TES: variants seen among roughly 807,000 people sequenced by gnomAD.
The protein encoded by TES is testin LIM domain protein.
TES carries 41 observed loss-of-function variants against 48.2 expected under a neutral mutation model. The ratio of observed to expected loss-of-function variants is 0.85; its 90% CI spans 0.66 to 1.10. The LOEUF (loss-of-function observed/expected upper bound fraction) is 1.10, where lower values mean the gene tolerates loss of function less well. Among genes scored for constraint, TES ranks in the 50% least tolerant of loss-of-function variants. TES has a pLI of 0.00. For synonymous variants in TES, 162 were observed against 174.9 expected (o/e 0.93, Z 0.58); for missense variants, 463 against 515.1 (o/e 0.90, Z 0.98).
chr7:116,257,480 TAGG>T lies in TES; in HGVS notation c.*5_*7del. The T allele has an allele frequency of 1.2e-6, 2 of 1,603,656 alleles. No individual in the cohort carries two copies. Among genetic ancestry groups the T allele is most frequent in the Middle Eastern group, 1.7e-4 (1 of 5,986 alleles). On this transcript the variant is annotated stop_retained_variant and 3_prime_UTR_variant, in exon 7 of 7. Transcript: ENST00000358204. The stretch of plus-strand genomic sequence containing the variant: ...AGTGGAATGTAAGAAGAGGATGTCT[TAGG>T]AGGAGGGCACCCAGAAGTATCGAGC...
intron 4 of TES, 50 bp from the exon 5 acceptor site, chr7:116,251,710 A>T: frequency 6.7e-7 from 1 of 1,486,594 alleles, no homozygotes; most frequent in Non-Finnish European, 9.3e-7. Flanking sequence ...GAAAGAAAAG[A>T]AATGGCAGTC....
intron 2 of TES, chr7:116,237,808 C>G (rs1274926287): frequency 6.6e-6 from 1 of 152,230 alleles, no homozygotes. Context: ...TGCCTTCTCA[C>G]CACGTGCTCA....
At position 116,232,296 on chromosome 7, in the gene TES, GT is replaced by G. The variant is rs1194600898; in HGVS notation, c.28-2235del. On this transcript the variant is annotated intron_variant, in intron 1 of 6. Transcript: ENST00000358204. ...ATCAGGATTTTATACACACATGTAAGTTTGTATGTGTATGTGCAAGTTCTTT... is the reference window on the plus strand; with the variant it reads ...ATCAGGATTTTATACACACATGTAAGTTGTATGTGTATGTGCAAGTTCTTT... 3.3e-5 allele frequency among the ~76,000 whole-genome samples: 5 copies of G among 152,284 alleles called. No individual in the cohort carries two copies. The East Asian group carries it at 9.6e-4, about 29-fold the overall frequency.
Position 116,250,515 on chromosome 7 carries a change from CT to C in TES, c.702+20del. 4 of 1,476,328 alleles carry C rather than the reference CT, an allele frequency of 2.7e-6. No individual in the cohort carries two copies. The highest frequency in any genetic ancestry group is 3.6e-6 in the Non-Finnish European group (4 of 1,112,664). The allele number at this position is 1,476,328 out of a possible 1,614,324, so 91.5% of individuals were successfully genotyped here. A position where few individuals can be genotyped will look rare whatever the true frequency, so the allele number is the denominator to read the frequency against. On this transcript the variant is annotated intron_variant, in intron 4 of 6. Coordinates refer to ENST00000358204, the MANE Select transcript of TES (RefSeq NM_015641.4). Reference sequence around the variant, plus strand: ...TCAATATGTAAGTAGAGTGGTCACACTGTTAGCCTGATTTGTATACTTTACA... The same window carrying C: ...TCAATATGTAAGTAGAGTGGTCACACGTTAGCCTGATTTGTATACTTTACA...
intron 1 of TES, among the ~76,000 whole-genome samples, chr7:116,218,841 G>A (rs753271532): frequency 1.3e-5 from 2 of 151,980 alleles, no homozygotes. Context: ...TTAATCATTG[G>A]TTGATATTTT....
At chr7:116,230,002 A>G (rs115776916) in intron 1 of TES, among the ~76,000 whole-genome samples, 2,635 of 152,332 alleles carry the variant, frequency 0.017, 84 homozygotes, top group African/African-American at 0.06. Flanking sequence ...TAAGTTTTGT[A>G]GCTATATACT....
intron 1 of TES, among the ~76,000 whole-genome samples, chr7:116,230,224 ACT>A (rs140595644): frequency 2.4e-3 from 365 of 151,830 alleles, no homozygotes; most frequent in African/African-American, 8.6e-3. Flanking sequence ...GACCCATTCC[ACT>A]CTCTTTCACT....
In TES at chr7:116,234,671, C is replaced by G. The variant is rs753024270; in HGVS notation, c.113+52C>G. ...TTAGTAATTTATACTTTTTGCAATACTTCCTCAGACAGTGGAGATATCTTC... is the reference window on the plus strand; with the variant it reads ...TTAGTAATTTATACTTTTTGCAATAGTTCCTCAGACAGTGGAGATATCTTC... On this transcript the variant is annotated intron_variant, in intron 2 of 6. Transcript: ENST00000358204. The G allele has an allele frequency of 2.8e-6, 4 of 1,438,104 alleles. No individual in the cohort carries two copies. The African/African-American group carries it at 5.6e-5, about 20-fold the overall frequency. The allele number at this position is 1,438,104 out of a possible 1,614,324, so 89.1% of individuals were successfully genotyped here. A position where few individuals can be genotyped will look rare whatever the true frequency, so the allele number is the denominator to read the frequency against.
At chr7:116,246,340 T>C (rs2116618845) in intron 2 of TES, among the ~76,000 whole-genome samples, 1 of 152,368 alleles carries the variant, frequency 6.6e-6, no homozygotes, top group African/African-American at 2.4e-5. Flanking sequence ...ATAATTAACA[T>C]GTTAGCTTGT....
intron 1 of TES, among the ~76,000 whole-genome samples, chr7:116,223,847 C>T (rs939392890): frequency 3.3e-5 from 5 of 152,190 alleles, no homozygotes; most frequent in Non-Finnish European, 5.9e-5. Flanking sequence ...TCACAAATCA[C>T]TTAGTCTTTG....
intron 1 of TES, among the ~76,000 whole-genome samples, chr7:116,219,132 A>T (rs756823494): frequency 6.6e-6 from 1 of 152,146 alleles, no homozygotes; most frequent in East Asian, 1.9e-4. Flanking sequence ...TATCAAGGAA[A>T]CACCTCCTAT....
rs116755264 is a variant in TES, at chr7:116,237,750, A to G, written c.113+3131A>G. 7.9e-3 allele frequency among the ~76,000 whole-genome samples: 1,203 copies of G among 152,276 alleles called. 14 individuals are homozygous for G. Among genetic ancestry groups the G allele is most frequent in the African/African-American group, 0.027 (1,133 of 41,532 alleles). On this transcript the variant is annotated intron_variant, in intron 2 of 6. Coordinates refer to ENST00000358204, the MANE Select transcript of TES (RefSeq NM_015641.4). ...GCTGGAAAGTTCGAGATCAGGTGCCAACATGGTTGAGTTCTGGTGAGGTCT... is the reference window on the plus strand; with the variant it reads ...GCTGGAAAGTTCGAGATCAGGTGCCGACATGGTTGAGTTCTGGTGAGGTCT...
At chr7:116,248,145 T>A (rs76834804) in intron 2 of TES, among the ~76,000 whole-genome samples, 18,316 of 152,264 alleles carry the variant, frequency 0.12, 1,109 homozygotes, top group South Asian at 0.19. Flanking sequence ...AAGGACATGA[T>A]TTCATTCTTT....
intron 4 of TES, 75 bp from the exon 5 acceptor site, chr7:116,251,685 A>AG (rs913406285): frequency 7.1e-5 from 97 of 1,361,420 alleles, no homozygotes; most frequent in Middle Eastern, 5.1e-4. Flanking sequence ...TCAGTCTCAA[A>AG]AAAAAAAAAA....
In TES at chr7:116,252,482, A is replaced by C; in HGVS notation, c.1077+6A>C. ...ATGTGAAGAATCACGCTGTGGTGAG[A>C]AGTGTTCTAAGGATATGGTTGCCTC... On this transcript the variant is annotated splice_donor_region_variant and intron_variant, in intron 6 of 6. Coordinates refer to ENST00000358204, the MANE Select transcript of TES (RefSeq NM_015641.4). 1 of 1,614,128 alleles carries C rather than the reference A, an allele frequency of 6.2e-7. No homozygotes were observed. The highest frequency in any genetic ancestry group is 8.5e-7 in the Non-Finnish European group (1 of 1,179,998).
chr7:116,238,064 C>T (rs888119507), intron 2 of TES: 3 of 152,230 alleles, frequency 2.0e-5, no homozygotes, highest in Admixed American at 6.5e-5. Context: ...TTCCACATAC[C>T]CCCAAGTTGT....
At position 116,234,622 on chromosome 7, in the gene TES, A is replaced by ATTGTT; in HGVS notation, c.113+7_113+11dup. On this transcript the variant is annotated splice_donor_region_variant and intron_variant, in intron 2 of 6. Transcript: ENST00000358204. ...GGATTCGAACTGCACTTCTGGAGGT[A>ATTGTT]TTGTTTTGAAAACTGCAACCACATT... 2 of 1,612,980 alleles carry ATTGTT rather than the reference A, an allele frequency of 1.2e-6. No individual in the cohort carries two copies. The highest frequency in any genetic ancestry group is 1.7e-6 in the Non-Finnish European group (2 of 1,179,102).
At position 116,257,426 on chromosome 7, in the gene TES, A is replaced by C. The variant is rs370363131; in HGVS notation, c.1210A>C (p.Met404Leu). Residue 404 changes from methionine to leucine, a missense_variant, in exon 7 of 7, where the codon ATG becomes CTG. Met to Leu is a conservative substitution (Grantham distance 15). Transcript: ENST00000358204. ...CAAATGCCTCATTGGGCAGAAGTTC[A>C]TGCCAGTAGAAGGGATGGTTTTCTG... ...CSKCLIGQKFMPVEGMVFCSV... is the reference protein window; with the variant it reads ...CSKCLIGQKFLPVEGMVFCSV... 1.9e-6 allele frequency: 3 copies of C among 1,613,980 alleles called. No homozygotes were observed. In the African/African-American group the frequency reaches 4.0e-5, roughly 22 times the overall value.
chr7:116,210,598 G>C lies in TES; in HGVS notation c.-110G>C. The C allele has an allele frequency of 8.5e-7, 1 of 1,181,652 alleles. No individual in the cohort carries two copies. Among genetic ancestry groups the C allele is most frequent in the Non-Finnish European group, 1.1e-6 (1 of 922,246 alleles). The allele number at this position is 1,181,652 out of a possible 1,614,324, so 73.2% of individuals were successfully genotyped here. ...GCCGGGCGAGTGGCTGTTGAGCGGCGCCGCGGGAGTTCCGCAGGTTTCCCG... is the reference window on the plus strand; with the variant it reads ...GCCGGGCGAGTGGCTGTTGAGCGGCCCCGCGGGAGTTCCGCAGGTTTCCCG... On this transcript the variant is annotated 5_prime_UTR_variant, in exon 1 of 7. Coordinates refer to ENST00000358204, the MANE Select transcript of TES (RefSeq NM_015641.4).
Sources: gnomAD v4.1 joint callset for allele counts (sites outside exome capture counted in the v4.1 genomes callset) on GRCh38, gnomAD v4.1.1 for gene constraint, MANE v1.5 for transcripts, NCBI Gene and HGNC (gene_info 2026-07-23, HGNC 2026-07-21) for gene names.